Variants in GRK3 observed in about 807,000 individuals in gnomAD.
The protein encoded by GRK3 is adrenergic, beta, receptor kinase 2.
A neutral mutation model predicts 95.7 loss-of-function variants in GRK3; 54 were observed. The ratio of observed to expected loss-of-function variants is 0.56; its 90% CI spans 0.45 to 0.71. The LOEUF is 0.71. Among genes scored for constraint, GRK3 ranks in the 30% least tolerant of loss-of-function variants. The pLI, the probability that GRK3 is intolerant of heterozygous loss-of-function variation, is 0.00. For synonymous variants in GRK3, 281 were observed against 290.8 expected (o/e 0.97, Z 0.34); for missense variants, 649 against 851.2 (o/e 0.76, Z 2.96).
chr22:25,709,769 T>C (rs2085329447), intron 15 of GRK3, 129 bp from the exon 16 acceptor site: 1 of 685,120 alleles, frequency 1.5e-6, no homozygotes, highest in African/African-American at 1.8e-5. Context: ...GAAGCATATT[T>C]GTTTGCTTTC....
intron 10 of GRK3, among the ~76,000 whole-genome samples, chr22:25,686,090 T>C (rs1478112717): frequency 6.6e-6 from 1 of 151,106 alleles, no homozygotes; most frequent in Admixed American, 6.6e-5. Flanking sequence ...GGGGTGGTGG[T>C]GGGCGCCTAT....
At chr22:25,586,906 T>G (rs1932332120) in intron 1 of GRK3, among the ~76,000 whole-genome samples, 1 of 152,102 alleles carries the variant, frequency 6.6e-6, no homozygotes, top group African/African-American at 2.4e-5. Context: ...ATCTTTTTTT[T>G]TTTTTGAGAT....
chr22:25,657,881 T>C (rs984127536), intron 3 of GRK3, among the ~76,000 whole-genome samples: 1 of 152,224 alleles, frequency 6.6e-6, no homozygotes, highest in East Asian at 1.9e-4. Flanking sequence ...CCCCCAATAT[T>C]TTTTCTTTCT....
intron 2 of GRK3, among the ~76,000 whole-genome samples, chr22:25,616,327 T>C (rs2084538049): frequency 6.6e-6 from 1 of 151,442 alleles, no homozygotes; most frequent in Non-Finnish European, 1.5e-5. Context: ...CTTACAGTCA[T>C]GGCAGAAGGC....
At chr22:25,632,605 T>C (rs2084671663) in intron 2 of GRK3, among the ~76,000 whole-genome samples, 1 of 152,260 alleles carries the variant, frequency 6.6e-6, no homozygotes, top group Non-Finnish European at 1.5e-5. Context: ...AACCCAAGGT[T>C]GCAAAGATTT....
chr22:25,702,261 A>G (rs16980593), intron 13 of GRK3, among the ~76,000 whole-genome samples: 3,907 of 152,316 alleles, frequency 0.026, 60 homozygotes, highest in African/African-American at 0.038. Context: ...AGATAGTTCA[A>G]TGTATAACCT....
At chr22:25,569,827 C>T (rs910588394) in intron 1 of GRK3, among the ~76,000 whole-genome samples, 2 of 152,224 alleles carry the variant, frequency 1.3e-5, no homozygotes, top group African/African-American at 4.8e-5. Context: ...ATAATTAGTT[C>T]ATTTGTCCCC....
chr22:25,651,983 A>G (rs560529979), intron 3 of GRK3, among the ~76,000 whole-genome samples: 2 of 152,332 alleles, frequency 1.3e-5, no homozygotes, highest in East Asian at 1.9e-4. Context: ...ATATTTTTAT[A>G]AAGTATTATA....
chr22:25,604,008 TG>T lies in GRK3; in HGVS notation c.114-362del, dbSNP rs577198214. ...ATTTATTGATGAGCAGAATTTGTGGTGGGGGGGCACAGGCATGTGTGGTGTG... is the reference window on the plus strand; with the variant it reads ...ATTTATTGATGAGCAGAATTTGTGGTGGGGGGCACAGGCATGTGTGGTGTG... On this transcript the variant is annotated intron_variant, in intron 1 of 20. Transcript: ENST00000324198. Among the ~76,000 whole-genome samples, 12 of 152,102 alleles carry T rather than the reference TG, an allele frequency of 7.9e-5. No individual in the cohort carries two copies. The East Asian group carries it at 1.2e-3, about 15-fold the overall frequency.
At chr22:25,703,985 A>T in intron 14 of GRK3, 124 bp from the exon 15 acceptor site, 1 of 660,142 alleles carries the variant, frequency 1.5e-6, no homozygotes. Flanking sequence ...AGTAAATATT[A>T]ATTCATAATG....
chr22:25,659,815 G>C (rs769124026), intron 3 of GRK3, among the ~76,000 whole-genome samples: 8 of 152,268 alleles, frequency 5.3e-5, no homozygotes, highest in Admixed American at 2.6e-4. Flanking sequence ...AAGGCACAAG[G>C]CTCTTAGTCA....
At chr22:25,667,073 A>G (rs1017817712) in intron 5 of GRK3, among the ~76,000 whole-genome samples, 2 of 152,168 alleles carry the variant, frequency 1.3e-5, no homozygotes, top group African/African-American at 4.8e-5. Flanking sequence ...CAGTTTAGCC[A>G]TGGACCTTCT....
intron 13 of GRK3, among the ~76,000 whole-genome samples, chr22:25,703,235 C>G (rs1429560028): frequency 6.6e-6 from 1 of 152,098 alleles, no homozygotes; most frequent in Admixed American, 6.5e-5. Flanking sequence ...ATATTCTTTT[C>G]TAATGATGTT....
intron 1 of GRK3, among the ~76,000 whole-genome samples, chr22:25,594,305 TG>T (rs928151260): frequency 2.0e-5 from 3 of 152,186 alleles, no homozygotes; most frequent in African/African-American, 7.2e-5. Context: ...GTAGTTCTAC[TG>T]GTAGAAAAAA....
chr22:25,703,661 A>T, intron 14 of GRK3, 85 bp downstream of exon 14: 5 of 1,029,476 alleles, frequency 4.9e-6, no homozygotes, highest in African/African-American at 1.6e-5. Flanking sequence ...CTATTACATA[A>T]AATGTTATAG....
At chr22:25,584,234 T>C (rs1245197895) in intron 1 of GRK3, among the ~76,000 whole-genome samples, 2 of 152,258 alleles carry the variant, frequency 1.3e-5, no homozygotes, top group Non-Finnish European at 2.9e-5. Flanking sequence ...CTGGAGTCAA[T>C]TGAGGCCTGA....
At chr22:25,630,742 A>C (rs1369792036) in intron 2 of GRK3, among the ~76,000 whole-genome samples, 1 of 152,238 alleles carries the variant, frequency 6.6e-6, no homozygotes, top group African/African-American at 2.4e-5. Context: ...TTCATGGCTC[A>C]AAATCTCTCC....
At chr22:25,601,863 A>G (rs561750161) in intron 1 of GRK3, among the ~76,000 whole-genome samples, 58 of 152,372 alleles carry the variant, frequency 3.8e-4, no homozygotes, top group Admixed American at 2.8e-3. Context: ...TTGTGTTTAC[A>G]CAAAAGCGAA....
intron 2 of GRK3, among the ~76,000 whole-genome samples, chr22:25,633,372 T>C (rs1277663768): frequency 6.6e-6 from 1 of 152,206 alleles, no homozygotes; most frequent in Admixed American, 6.5e-5. Context: ...TCATGTTAAG[T>C]GTATAGATTG....
Sources: gnomAD v4.1 joint callset for allele counts (sites outside exome capture counted in the v4.1 genomes callset) on GRCh38, gnomAD v4.1.1 for gene constraint, MANE v1.5 for transcripts, NCBI Gene and HGNC (gene_info 2026-07-23, HGNC 2026-07-21) for gene names.